GRK5: variants seen among roughly 807,000 people sequenced by gnomAD.
GRK5 encodes the protein G protein-coupled receptor kinase 5.
Under a neutral mutation model 78.4 loss-of-function variants are expected in GRK5, and 40 were observed. That is an observed-to-expected ratio of 0.51 (90% CI 0.40 to 0.66). The LOEUF (loss-of-function observed/expected upper bound fraction) is 0.66, where lower values mean the gene tolerates loss of function less well. GRK5 is among the 30% of genes least tolerant of loss of function. The pLI, the probability that GRK5 is intolerant of heterozygous loss-of-function variation, is 0.00. For synonymous variants in GRK5, 289 were observed against 296.8 expected (o/e 0.97, Z 0.27); for missense variants, 598 against 759.9 (o/e 0.79, Z 2.50).
chr10:119,256,735 A>G (rs76584901), intron 1 of GRK5, among the ~76,000 whole-genome samples: 3,225 of 152,156 alleles, frequency 0.021, 58 homozygotes, highest in Admixed American at 0.055. Flanking sequence ...ATTGAGAGAT[A>G]ATTCACGTAC....
chr10:119,427,900 G>C (rs544006492), intron 6 of GRK5, among the ~76,000 whole-genome samples: 1 of 146,176 alleles, frequency 6.8e-6, no homozygotes, highest in South Asian at 2.1e-4. Context: ...GCTATCATCA[G>C]TATCATCGCC....
In GRK5 at chr10:119,455,219, G is replaced by A. The variant is rs1219701095; in HGVS notation, c.*152G>A. On this transcript the variant is annotated 3_prime_UTR_variant, in exon 16 of 16. Transcript: ENST00000392870. ...GTCCATCCCGTCGACGTAGAACCTCGAGGTTTCTCAAAGAAATTTCCACTC... is the reference window on the plus strand; with the variant it reads ...GTCCATCCCGTCGACGTAGAACCTCAAGGTTTCTCAAAGAAATTTCCACTC... 1 of 727,164 alleles carries A rather than the reference G, an allele frequency of 1.4e-6. No homozygotes were observed. Among genetic ancestry groups the A allele is most frequent in the Non-Finnish European group, 2.5e-6 (1 of 406,240 alleles). 45.0% of individuals were successfully genotyped at this position (727,164 alleles called of 1,614,324 possible).
rs1852357148 is a variant in GRK5 at position 119,412,052 on chromosome 10, T to C, written c.340-11114T>C. Among the ~76,000 whole-genome samples, 1 of 152,024 alleles carries C rather than the reference T, an allele frequency of 6.6e-6. No homozygotes were observed. The highest frequency in any genetic ancestry group is 2.1e-4 in the South Asian group (1 of 4,822). On this transcript the variant is annotated intron_variant, in intron 4 of 15. Coordinates refer to ENST00000392870, the MANE Select transcript of GRK5 (RefSeq NM_005308.3). This position sits in a 1 kb window ranked among gnomAD's most constrained non-coding sequence, Gnocchi z 4.3. The stretch of plus-strand genomic sequence containing the variant: ...TTTTAGTAGAGACGGGGTTTCATCA[T>C]GTTGGCCAGGCTGGTCTCGAACTCC...
At chr10:119,276,435 A>C (rs1406116654) in intron 1 of GRK5, among the ~76,000 whole-genome samples, 1 of 152,144 alleles carries the variant, frequency 6.6e-6, no homozygotes, top group Non-Finnish European at 1.5e-5. Flanking sequence ...TGAACTCATC[A>C]TTTTTTATGG....
intron 2 of GRK5, among the ~76,000 whole-genome samples, chr10:119,348,453 T>C (rs560066495): frequency 1.3e-5 from 2 of 152,200 alleles, no homozygotes; most frequent in Non-Finnish European, 2.9e-5. Flanking sequence ...CTGCTCGGCC[T>C]AGGAAGCAGG....
intron 1 of GRK5, among the ~76,000 whole-genome samples, chr10:119,302,863 A>G (rs1850207440): frequency 6.6e-6 from 1 of 152,130 alleles, no homozygotes; most frequent in Admixed American, 6.5e-5. Flanking sequence ...CACGTGACCA[A>G]CATCACCCTC....
intron 2 of GRK5, among the ~76,000 whole-genome samples, chr10:119,329,242 A>G (rs1850726749): frequency 6.6e-6 from 1 of 152,226 alleles, no homozygotes; most frequent in South Asian, 2.1e-4. Flanking sequence ...AATATAAAAG[A>G]TGAAAATATG....
intron 8 of GRK5, among the ~76,000 whole-genome samples, chr10:119,435,764 C>T (rs1230113709): frequency 6.6e-6 from 1 of 152,196 alleles, no homozygotes; most frequent in African/African-American, 2.4e-5. Context: ...GTATTTTTTT[C>T]AGCAGTGCCT....
At chr10:119,323,881 A>G (rs935374897) in intron 1 of GRK5, among the ~76,000 whole-genome samples, 1 of 152,042 alleles carries the variant, frequency 6.6e-6, no homozygotes, top group Admixed American at 6.5e-5. Flanking sequence ...TGAGTCCATT[A>G]TATCATTCTT....
chr10:119,357,585 G>A (rs898909382), intron 2 of GRK5, among the ~76,000 whole-genome samples: 6 of 152,204 alleles, frequency 3.9e-5, no homozygotes, highest in African/African-American at 1.4e-4. Context: ...TTGCCTTCCA[G>A]AGGCCTGCAT....
chr10:119,431,638 G>C lies in GRK5; in HGVS notation c.738+111G>C. 2 of 1,301,198 alleles carry C rather than the reference G, an allele frequency of 1.5e-6. No individual in the cohort carries two copies. The highest frequency in any genetic ancestry group is 3.0e-5 in the South Asian group (2 of 67,288). The allele number at this position is 1,301,198 out of a possible 1,614,324, so 80.6% of individuals were successfully genotyped here. A position where few individuals can be genotyped will look rare whatever the true frequency, so the allele number is the denominator to read the frequency against. On this transcript the variant is annotated intron_variant, in intron 8 of 15. Coordinates refer to ENST00000392870, the MANE Select transcript of GRK5 (RefSeq NM_005308.3). The surrounding 1 kb of genome is among the most constrained non-coding windows in gnomAD (Gnocchi z 4.8). ...GCGGCCGGTCCCCACCCCTGGGAAG[G>C]GGAATGCCAGTGGCAGCGCTGAGCT...
intron 6 of GRK5, among the ~76,000 whole-genome samples, chr10:119,428,553 G>T (rs1277234817): frequency 6.6e-6 from 1 of 152,150 alleles, no homozygotes; most frequent in Non-Finnish European, 1.5e-5. Context: ...CTCAGCAAGG[G>T]CCTGGCAAGG....
intron 2 of GRK5, among the ~76,000 whole-genome samples, chr10:119,331,412 T>A (rs1850776892): frequency 6.6e-6 from 1 of 152,176 alleles, no homozygotes; most frequent in Non-Finnish European, 1.5e-5. Flanking sequence ...GTCGCTGAGG[T>A]GTTTGCCCAG....
intron 1 of GRK5, among the ~76,000 whole-genome samples, chr10:119,252,789 C>T (rs1439552486): frequency 6.6e-6 from 1 of 152,140 alleles, no homozygotes; most frequent in Non-Finnish European, 1.5e-5. Flanking sequence ...GCTTTTGCCT[C>T]ATTTTTATGG....
chr10:119,382,233 G>A (rs1851723327), intron 3 of GRK5, among the ~76,000 whole-genome samples: 1 of 152,126 alleles, frequency 6.6e-6, no homozygotes, highest in Non-Finnish European at 1.5e-5. Flanking sequence ...TGGGCTTAGG[G>A]GAGGCTCTGC....
At chr10:119,342,756 C>T (rs919850129) in intron 2 of GRK5, among the ~76,000 whole-genome samples, 1 of 152,156 alleles carries the variant, frequency 6.6e-6, no homozygotes, top group African/African-American at 2.4e-5. Flanking sequence ...TGGTGGGGAG[C>T]GGCTTTCAGA....
At chr10:119,299,882 A>T (rs555730201) in intron 1 of GRK5, among the ~76,000 whole-genome samples, 1 of 152,094 alleles carries the variant, frequency 6.6e-6, no homozygotes, top group East Asian at 1.9e-4. Flanking sequence ...TTACATATGT[A>T]TACATGTGCC....
At chr10:119,329,804 G>A (rs1002284146) in intron 2 of GRK5, among the ~76,000 whole-genome samples, 1 of 150,794 alleles carries the variant, frequency 6.6e-6, no homozygotes. Context: ...GCTGGTTACT[G>A]TAGAACTGTC....
intron 2 of GRK5, among the ~76,000 whole-genome samples, chr10:119,332,403 G>C (rs553740347): frequency 6.6e-6 from 1 of 152,220 alleles, no homozygotes; most frequent in East Asian, 1.9e-4. Flanking sequence ...CACTGCACCC[G>C]GCCAGCTATT....
Sources: allele counts gnomAD v4.1 joint callset (sites outside exome capture counted in the v4.1 genomes callset), GRCh38; gene constraint gnomAD v4.1.1; non-coding constraint Gnocchi (gnomAD v3.1); transcripts MANE v1.5; gene names NCBI Gene and HGNC (gene_info 2026-07-23, HGNC 2026-07-21).